STK3: variants seen among roughly 807,000 people sequenced by gnomAD.
The protein encoded by STK3 is serine/threonine-protein kinase 3.
A neutral mutation model predicts 58.0 loss-of-function variants in STK3; 41 were observed. The ratio of observed to expected loss-of-function variants is 0.71; its 90% CI spans 0.55 to 0.92. STK3 has a LOEUF of 0.92. STK3 is among the 40% of genes least tolerant of loss of function. STK3 has a pLI of 0.00. For missense variants in STK3, 479 were observed against 602.7 expected (o/e 0.79, Z 2.15); for synonymous variants, 170 against 191.0 (o/e 0.89, Z 0.91).
chr8:98,351,507 C>T, the STK3 span, among the ~76,000 whole-genome samples: 317 of 152,212 alleles, frequency 2.1e-3, 3 homozygotes, highest in African/African-American at 7.0e-3. Flanking sequence ...TTCTATCATC[C>T]TCTGTGTCCT....
rs191250715 is a variant in STK3, at chr8:98,864,231, A to G, written c.110+19416T>C. On this transcript the variant is annotated intron_variant, in intron 3 of 12. Coordinates refer to the STK3 transcript ENST00000523601. ...AAAAAAAAAAAAAAAAAAAGTCTCA[A>G]TCAGCTGGATTTTATTCCATTTTGT... Among the ~76,000 whole-genome samples the G allele has an allele frequency of 2.5e-3, 375 of 150,574 alleles. 11 individuals carry two copies. Among genetic ancestry groups the G allele is most frequent in the Admixed American group, 0.02 (300 of 14,998 alleles).
chr8:98,572,268 T>G (rs1477774022), intron 8 of STK3, among the ~76,000 whole-genome samples: 2 of 150,056 alleles, frequency 1.3e-5, no homozygotes, highest in Non-Finnish European at 2.9e-5. Context: ...AATACTAGAG[T>G]TAAACTAGTA....
At chr8:98,898,308 G>A (rs997978123) in intron 1 of STK3, among the ~76,000 whole-genome samples, 6 of 152,282 alleles carry the variant, frequency 3.9e-5, no homozygotes, top group Admixed American at 3.9e-4. Context: ...TCTGTCGGTC[G>A]GGTAGAGTTT....
At chr8:98,938,747 G>C (rs1245685557) in intron 1 of STK3, among the ~76,000 whole-genome samples, 3 of 152,188 alleles carry the variant, frequency 2.0e-5, no homozygotes, top group African/African-American at 7.2e-5. Flanking sequence ...CTGACCTACT[G>C]CAGGGAGGGT....
chr8:98,602,860 A>T (rs1338431781), intron 6 of STK3, among the ~76,000 whole-genome samples: 1 of 138,254 alleles, frequency 7.2e-6, no homozygotes, highest in Admixed American at 7.6e-5. Flanking sequence ...AAGCACATCA[A>T]TTCCCTCCAA....
chr8:98,352,003 C>A, the STK3 span, among the ~76,000 whole-genome samples: 1 of 151,886 alleles, frequency 6.6e-6, no homozygotes, highest in Non-Finnish European at 1.5e-5. Context: ...ACTAAAAATA[C>A]AAAAATTAGC....
At chr8:98,699,710 C>T (rs371022121) in intron 6 of STK3, among the ~76,000 whole-genome samples, 6 of 152,166 alleles carry the variant, frequency 3.9e-5, no homozygotes, top group South Asian at 2.1e-4. Flanking sequence ...GCTGTCTGAT[C>T]GTTCCTCTGG....
intron 6 of STK3, among the ~76,000 whole-genome samples, chr8:98,631,659 C>G (rs1045882857): frequency 7.3e-6 from 1 of 137,312 alleles, no homozygotes; most frequent in Admixed American, 8.3e-5. Context: ...CTATAGTTTT[C>G]GTTTTTTTGT....
downstream of STK3, among the ~76,000 whole-genome samples, chr8:98,453,356 G>T (rs1819293129): frequency 6.6e-6 from 1 of 152,054 alleles, no homozygotes; most frequent in Non-Finnish European, 1.5e-5. Flanking sequence ...CAAAGTGCTG[G>T]GATTACAGGT....
At chr8:98,373,738 C>A (rs929132108) in intron 2 of STK3, among the ~76,000 whole-genome samples, 1 of 152,258 alleles carries the variant, frequency 6.6e-6, no homozygotes, top group Admixed American at 6.5e-5. Flanking sequence ...TCTTTTCTTT[C>A]CTTTTTTTTG....
intron 10 of STK3, among the ~76,000 whole-genome samples, chr8:98,464,302 C>A (rs961237488): frequency 5.3e-5 from 8 of 151,870 alleles, no homozygotes; most frequent in African/African-American, 1.2e-4. Context: ...ACTCTTTTTT[C>A]CCTTAATATT....
chr8:98,823,039 G>A (rs974232569), intron 1 of STK3, among the ~76,000 whole-genome samples: 48 of 152,136 alleles, frequency 3.2e-4, no homozygotes, highest in African/African-American at 5.1e-4. Context: ...GGACTAAAGC[G>A]TCCAGCTAGA....
chr8:98,434,865 A>T (rs1818429894), intron 2 of STK3, among the ~76,000 whole-genome samples: 1 of 152,266 alleles, frequency 6.6e-6, no homozygotes, highest in South Asian at 2.1e-4. Flanking sequence ...CAGAGAAGAA[A>T]GAAGGGAAAA....
intron 2 of STK3, among the ~76,000 whole-genome samples, chr8:98,378,313 T>G (rs1449691594): frequency 6.6e-6 from 1 of 152,200 alleles, no homozygotes; most frequent in Non-Finnish European, 1.5e-5. Context: ...CTTGAAGAGT[T>G]ACTTTGTCAC....
At position 98,650,095 on chromosome 8, in the gene STK3, T is replaced by G. The variant is rs983050075; in HGVS notation, c.685-53926A>C. On this transcript the variant is annotated intron_variant, in intron 6 of 10. Transcript: ENST00000419617. ...TTTTATATACAACTATTCACCAAAT[T>G]ATGTTATTAAGTCTGATAATATTTT... Among the ~76,000 whole-genome samples the G allele has an allele frequency of 3.3e-5, 5 of 152,340 alleles. No homozygotes were observed. In the South Asian group the frequency reaches 1.0e-3, roughly 32 times the overall value.
chr8:98,713,365 C>T (rs1217068642), intron 4 of STK3, among the ~76,000 whole-genome samples: 2 of 151,548 alleles, frequency 1.3e-5, no homozygotes, highest in Admixed American at 6.6e-5. Flanking sequence ...TTGAAAAGAG[C>T]AACAAAATAG....
chr8:98,659,272 T>C (rs866550973), intron 6 of STK3, among the ~76,000 whole-genome samples: 6 of 152,166 alleles, frequency 3.9e-5, no homozygotes, highest in East Asian at 1.9e-4. Flanking sequence ...TTTCAGAAGA[T>C]TGGTGTCAAA....
intron 6 of STK3, among the ~76,000 whole-genome samples, chr8:98,656,878 C>G (rs1366063168): frequency 6.6e-6 from 1 of 152,038 alleles, no homozygotes; most frequent in Non-Finnish European, 1.5e-5. Flanking sequence ...GAGTTATATT[C>G]TGTCAATCTC....
chr8:98,397,268 C>T (rs138124683), downstream of STK3, among the ~76,000 whole-genome samples: 135 of 152,326 alleles, frequency 8.9e-4, no homozygotes, highest in Admixed American at 3.0e-3. Flanking sequence ...GTGGCTCATG[C>T]GTGTAATCCC....
Sources: gnomAD v4.1 joint callset for allele counts (sites outside exome capture counted in the v4.1 genomes callset) on GRCh38, gnomAD v4.1.1 for gene constraint, MANE v1.5 for transcripts, NCBI Gene and HGNC (gene_info 2026-07-23, HGNC 2026-07-21) for gene names.